The following VPS13D variants were observed in gnomAD, a reference collection of about 807,000 sequenced individuals.
The protein encoded by VPS13D is intermembrane lipid transfer protein VPS13D.
Under a neutral mutation model 461.9 loss-of-function variants are expected in VPS13D, and 187 were observed. The ratio of observed to expected loss-of-function variants is 0.40; its 90% CI spans 0.36 to 0.46. VPS13D has a LOEUF of 0.46. Ranked by LOEUF, VPS13D falls within the 20% of genes least tolerant of loss-of-function variation. VPS13D has a pLI of 0.60. For synonymous variants in VPS13D, 1,951 were observed against 1,986.3 expected, an observed-to-expected ratio of 0.98 and a Z score of 0.47; for missense variants, 4,711 against 5,364.9, an observed-to-expected ratio of 0.88 and a Z score of 3.81.
chr1:12,387,017 A>G (rs1057479747), intron 60 of VPS13D, among the ~76,000 whole-genome samples: 2 of 152,206 alleles, frequency 1.3e-5, no homozygotes, highest in Non-Finnish European at 2.9e-5. Flanking sequence ...CTGAAGATCT[A>G]TAGACCGTCC....
At position 12,495,557 on chromosome 1, in the gene VPS13D, T is replaced by C. The variant is rs1197422918; in HGVS notation, c.12663-1943T>C. On this transcript the variant is annotated intron_variant, in intron 67 of 69. Coordinates refer to ENST00000620676, the MANE Select transcript of VPS13D (RefSeq NM_015378.4). This position sits in a 1 kb window ranked among gnomAD's most constrained non-coding sequence, Gnocchi z 4.0. The stretch of plus-strand genomic sequence containing the variant: ...ATTATGAGACTACTGTAATAATATA[T>C]TACAAATCCAGGGATCCTTTGTTAG... Among the ~76,000 whole-genome samples, 1 of 152,166 alleles carries C rather than the reference T, an allele frequency of 6.6e-6. No individual in the cohort carries two copies. The highest frequency in any genetic ancestry group is 2.4e-5 in the African/African-American group (1 of 41,444).
In VPS13D at chr1:12,318,052, C is replaced by T. The variant is rs759797875; in HGVS notation, c.7149-20C>T. 4.4e-6 allele frequency: 7 copies of T among 1,585,502 alleles called. No homozygotes were observed. In the Admixed American group the frequency reaches 1.2e-4, roughly 28 times the overall value. ...ATGTTTCTTTTTTCCTATTTATTTT[C>T]TCCTGTCTTCTTTTTATAGATCTAC... On this transcript the variant is annotated intron_variant, in intron 30 of 69. Coordinates refer to ENST00000620676, the MANE Select transcript of VPS13D (RefSeq NM_015378.4).
At chr1:12,240,327 G>T (rs1640304287) in intron 2 of VPS13D, among the ~76,000 whole-genome samples, 1 of 152,086 alleles carries the variant, frequency 6.6e-6, no homozygotes, top group African/African-American at 2.4e-5. Context: ...GGGTGCGGTG[G>T]CTCACGCCTG....
intron 46 of VPS13D, among the ~76,000 whole-genome samples, chr1:12,351,526 GCA>G (rs1643793672): frequency 1.3e-5 from 2 of 152,072 alleles, no homozygotes; most frequent in Non-Finnish European, 2.9e-5. Flanking sequence ...CTGACCTCAG[GCA>G]ATCCACCCAC....
intron 2 of VPS13D, among the ~76,000 whole-genome samples, chr1:12,237,284 G>A (rs1160616416): frequency 1.3e-5 from 2 of 151,064 alleles, no homozygotes; most frequent in African/African-American, 2.4e-5. Context: ...GAAGCCAGGA[G>A]TTCAAGACTA....
chr1:12,311,296 C>G (rs1372920384), intron 27 of VPS13D, among the ~76,000 whole-genome samples, 158 bp from the exon 28 acceptor site: 1 of 152,096 alleles, frequency 6.6e-6, no homozygotes, highest in Non-Finnish European at 1.5e-5. Flanking sequence ...TATTAACTTG[C>G]TTCATTTGGA....
intron 54 of VPS13D, among the ~76,000 whole-genome samples, chr1:12,370,467 C>T (rs1169141529): frequency 5.9e-5 from 9 of 152,114 alleles, no homozygotes; most frequent in Non-Finnish European, 1.0e-4. Flanking sequence ...ATGTTCGGAA[C>T]ATTTTTGCAT....
chr1:12,395,959 T>C (rs1394552337), intron 60 of VPS13D, among the ~76,000 whole-genome samples: 1 of 135,748 alleles, frequency 7.4e-6, no homozygotes, highest in Non-Finnish European at 1.5e-5. Flanking sequence ...AAATCTGTAT[T>C]AGTCAGGGTT....
intron 68 of VPS13D, among the ~76,000 whole-genome samples, chr1:12,500,681 A>C (rs1646023201): frequency 6.6e-6 from 1 of 151,894 alleles, no homozygotes; most frequent in African/African-American, 2.4e-5. Context: ...ATAAAAAATA[A>C]AAGTACCCTA....
intron 65 of VPS13D, among the ~76,000 whole-genome samples, chr1:12,434,997 T>G (rs1436314121): frequency 2.0e-5 from 3 of 152,238 alleles, no homozygotes; most frequent in South Asian, 4.1e-4. Context: ...GCCATGCAGT[T>G]TATGAAATAA....
chr1:12,403,531 C>G (rs1437901600), intron 62 of VPS13D, among the ~76,000 whole-genome samples: 3 of 152,216 alleles, frequency 2.0e-5, no homozygotes, highest in Non-Finnish European at 4.4e-5. Context: ...CACCTGTGGC[C>G]TTTGGCTTTT....
Position 12,249,201 on chromosome 1 carries a change from T to TTTTTC in VPS13D, c.448-17_448-13dup, listed in dbSNP as rs770639283. ...ACTATTCTGCAGGTGCATCAGCTGC[T>TTTTTC]TTTTCTTTTTTCTCTTTGCAGTTAA... On this transcript the variant is annotated intron_variant, in intron 5 of 69. Coordinates refer to ENST00000620676, the MANE Select transcript of VPS13D (RefSeq NM_015378.4). The TTTTTC allele has an allele frequency of 3.2e-6, 5 of 1,583,724 alleles. No individual in the cohort carries two copies. The South Asian group carries it at 5.6e-5, about 18-fold the overall frequency.
chr1:12,251,834 G>T (rs1175612213), intron 6 of VPS13D, among the ~76,000 whole-genome samples: 1 of 152,170 alleles, frequency 6.6e-6, no homozygotes, highest in Non-Finnish European at 1.5e-5. Context: ...TAATGGATTT[G>T]ATAACCAGGG....
At chr1:12,397,772 G>GATCTT (rs1360217737) in intron 60 of VPS13D, among the ~76,000 whole-genome samples, 4 of 152,194 alleles carry the variant, frequency 2.6e-5, no homozygotes, top group African/African-American at 9.7e-5. Flanking sequence ...GGCTCAGGAA[G>GATCTT]ATCTTCCTGA....
In VPS13D at chr1:12,319,638, G is replaced by T; in HGVS notation, c.7548+8G>T. The T allele has an allele frequency of 6.2e-7, 1 of 1,614,228 alleles. No individual in the cohort carries two copies. The highest frequency in any genetic ancestry group is 8.5e-7 in the Non-Finnish European group (1 of 1,180,026). ...AGTTTGTTTGGCATTGAGGTAAGAA[G>T]TCTATGTGTTGATCACAGCACTGCG... On this transcript the variant is annotated splice_region_variant and intron_variant, in intron 32 of 69. Transcript: ENST00000620676.
intron 42 of VPS13D, among the ~76,000 whole-genome samples, chr1:12,344,330 CT>C (rs1258901634): frequency 6.6e-6 from 1 of 152,088 alleles, no homozygotes; most frequent in African/African-American, 2.4e-5. Context: ...AGCAGGTTTC[CT>C]TTTGCATAGC....
In VPS13D at chr1:12,482,388, C is replaced by T. The variant is rs749391071; in HGVS notation, c.12663-15112C>T. Among the ~76,000 whole-genome samples, 4 of 152,368 alleles carry T rather than the reference C, an allele frequency of 2.6e-5. No homozygotes were observed. In the South Asian group the frequency reaches 8.3e-4, roughly 32 times the overall value. ...CGGTATATGATGGTAGAAATTTGCA[C>T]TCTTCATGCTTTGATTTTAAATGCA... On this transcript the variant is annotated intron_variant, in intron 67 of 69. Transcript: ENST00000620676.
At chr1:12,445,530 C>A (rs995535509) in intron 65 of VPS13D, among the ~76,000 whole-genome samples, 6 of 152,128 alleles carry the variant, frequency 3.9e-5, no homozygotes, top group Non-Finnish European at 4.4e-5. Context: ...TTTCCCAGGT[C>A]ACCCTTTGTG....
At position 12,291,163 on chromosome 1, in the gene VPS13D, A is replaced by G. The variant is rs569227031; in HGVS notation, c.5852+39A>G. ...TCTTTTTCTGACTTGATATTTTATC[A>G]TAATACTTGCTGTTTCAGATTCTTG... On this transcript the variant is annotated intron_variant, in intron 23 of 69. Coordinates refer to ENST00000620676, the MANE Select transcript of VPS13D (RefSeq NM_015378.4). The G allele has an allele frequency of 1.1e-5, 17 of 1,594,522 alleles. No individual in the cohort carries two copies. The African/African-American group carries it at 2.0e-4, about 19-fold the overall frequency.
Sources: gnomAD v4.1 joint callset for allele counts (sites outside exome capture counted in the v4.1 genomes callset) on GRCh38, gnomAD v4.1.1 for gene constraint, Gnocchi (gnomAD v3.1) non-coding constraint, MANE v1.5 for transcripts, NCBI Gene and HGNC (gene_info 2026-07-23, HGNC 2026-07-21) for gene names.